Variants in TBC1D1 observed in about 807,000 individuals in gnomAD.
TBC1D1 encodes TBC1 (tre-2/USP6, BUB2, cdc16) domain family, member 1.
Under a neutral mutation model 125.6 loss-of-function variants are expected in TBC1D1, and 89 were observed. The ratio of observed to expected loss-of-function variants is 0.71; its 90% confidence interval spans 0.60 to 0.85. The LOEUF (loss-of-function observed/expected upper bound fraction) is 0.85. Ranked by LOEUF, TBC1D1 falls within the 40% of genes least tolerant of loss-of-function variation. The pLI is 0.00. For synonymous variants in TBC1D1, 565 were observed against 564.1 expected (o/e 1.00, Z -0.02); for missense variants, 1,377 against 1,469.2 (o/e 0.94, Z 1.03).
intron 7 of TBC1D1, among the ~76,000 whole-genome samples, chr4:38,034,988 C>T (rs1280788585): frequency 2.0e-5 from 3 of 152,176 alleles, no homozygotes; most frequent in African/African-American, 7.2e-5. Context: ...CGGCAGCAGC[C>T]GGAACCTACA....
chr4:38,063,959 G>GA (rs1170097068), intron 12 of TBC1D1, among the ~76,000 whole-genome samples: 2 of 151,966 alleles, frequency 1.3e-5, no homozygotes, highest in African/African-American at 2.4e-5. Context: ...TGTCCCCCTA[G>GA]AAAAAAACCT....
chr4:37,947,089 A>T (rs777378388), intron 2 of TBC1D1, among the ~76,000 whole-genome samples: 1 of 152,204 alleles, frequency 6.6e-6, no homozygotes, highest in Non-Finnish European at 1.5e-5. Flanking sequence ...AACAACGCAG[A>T]CATCTCCCTT....
chr4:38,028,739 C>G (rs922935218), intron 7 of TBC1D1, among the ~76,000 whole-genome samples: 2 of 152,206 alleles, frequency 1.3e-5, no homozygotes, highest in African/African-American at 4.8e-5. Context: ...GCCTCTGGTC[C>G]GCATGTACTC....
intron 2 of TBC1D1, among the ~76,000 whole-genome samples, chr4:37,903,795 A>G (rs1258761936): frequency 6.6e-6 from 1 of 152,176 alleles, no homozygotes; most frequent in Non-Finnish European, 1.5e-5. Context: ...TCAGTGGGGA[A>G]TAGGACCAGG....
intron 2 of TBC1D1, among the ~76,000 whole-genome samples, chr4:37,956,055 C>T (rs1728875825): frequency 1.3e-5 from 2 of 149,538 alleles, no homozygotes; most frequent in African/African-American, 2.5e-5. Flanking sequence ...TTTGAAACAA[C>T]GTCTCTGTCA....
Position 37,949,597 on chromosome 4 carries a change from G to T in TBC1D1, c.417+47085G>T, listed in dbSNP as rs116792542. ...CTGAAAATCCCTTAGCAGTGCTAGG[G>T]ATCTAATCACTCCAGGGCAACCCTA... On this transcript the variant is annotated intron_variant, in intron 2 of 19. Transcript: ENST00000261439. 3.9e-4 allele frequency among the ~76,000 whole-genome samples: 59 copies of T among 152,304 alleles called. 1 individual carries two copies. Among genetic ancestry groups the T allele is most frequent in the African/African-American group, 1.4e-3 (58 of 41,568 alleles).
chr4:38,082,467 C>T (rs1756741657), intron 12 of TBC1D1, among the ~76,000 whole-genome samples: 1 of 152,176 alleles, frequency 6.6e-6, no homozygotes, highest in Admixed American at 6.5e-5. Context: ...CTGGCTGAGG[C>T]GGAATATTTG....
intron 8 of TBC1D1, among the ~76,000 whole-genome samples, chr4:38,042,199 C>G (rs2152467428): frequency 6.6e-6 from 1 of 152,004 alleles, no homozygotes; most frequent in African/African-American, 2.4e-5. Context: ...ACAAAAAAAG[C>G]TCATAGAGTA....
intron 17 of TBC1D1, among the ~76,000 whole-genome samples, chr4:38,119,489 A>G (rs1763510242): frequency 6.6e-6 from 1 of 151,986 alleles, no homozygotes; most frequent in Non-Finnish European, 1.5e-5. Context: ...ATCTTTAGTG[A>G]GAGTTCATGA....
At chr4:38,080,906 T>C (rs1756430216) in intron 12 of TBC1D1, among the ~76,000 whole-genome samples, 1 of 152,218 alleles carries the variant, frequency 6.6e-6, no homozygotes, top group Non-Finnish European at 1.5e-5. Flanking sequence ...ATAAACACCT[T>C]ATGATATGTT....
At chr4:38,005,723 A>C (rs1740016413) in intron 2 of TBC1D1, among the ~76,000 whole-genome samples, 1 of 152,198 alleles carries the variant, frequency 6.6e-6, no homozygotes, top group Non-Finnish European at 1.5e-5. Context: ...TGTGTTTTTC[A>C]TTGAGGCAGA....
chr4:37,911,706 C>A (rs1265703210), intron 2 of TBC1D1, among the ~76,000 whole-genome samples: 1 of 152,086 alleles, frequency 6.6e-6, no homozygotes, highest in Admixed American at 6.5e-5. Context: ...ATGTGTTTTG[C>A]TGGGTGCTGG....
At chr4:38,011,709 T>A (rs1741539227) in intron 2 of TBC1D1, among the ~76,000 whole-genome samples, 1 of 152,198 alleles carries the variant, frequency 6.6e-6, no homozygotes. Flanking sequence ...ATACTAAAAC[T>A]TAGCAGAGCA....
chr4:38,019,696 A>G (rs1281907004), intron 4 of TBC1D1, among the ~76,000 whole-genome samples: 6 of 152,184 alleles, frequency 3.9e-5, no homozygotes, highest in Non-Finnish European at 8.8e-5. Flanking sequence ...ATCTGTATTA[A>G]GGTGCCTCTG....
chr4:37,957,654 A>G lies in TBC1D1; in HGVS notation c.417+55142A>G, dbSNP rs150625800. 7.0e-4 allele frequency among the ~76,000 whole-genome samples: 106 copies of G among 152,314 alleles called. 1 individual carries two copies. In the East Asian group the frequency reaches 0.018, roughly 26 times the overall value. On this transcript the variant is annotated intron_variant, in intron 2 of 19. Coordinates refer to ENST00000261439, the MANE Select transcript of TBC1D1 (RefSeq NM_015173.4). ...AATAAATAAATAATATAGAAAGAGA[A>G]GAGAGTTGAGATTCCAAAACAGTCT...
chr4:37,972,121 T>G (rs564961825), intron 2 of TBC1D1, among the ~76,000 whole-genome samples: 1 of 152,194 alleles, frequency 6.6e-6, no homozygotes, highest in Non-Finnish European at 1.5e-5. Context: ...CTTTGAGCAA[T>G]GACTATTCTG....
chr4:38,066,335 A>G (rs1233615372), intron 12 of TBC1D1, among the ~76,000 whole-genome samples: 2 of 129,882 alleles, frequency 1.5e-5, no homozygotes, highest in Non-Finnish European at 3.3e-5. Flanking sequence ...ATATTTATTT[A>G]TTTGTTTGTT....
chr4:38,127,615 C>T (rs1398629003), intron 18 of TBC1D1, among the ~76,000 whole-genome samples: 2 of 152,124 alleles, frequency 1.3e-5, no homozygotes, highest in East Asian at 3.8e-4. Context: ...AACTCCTGGC[C>T]TCAAGTGATC....
At chr4:37,981,909 C>T (rs1241158202) in intron 2 of TBC1D1, among the ~76,000 whole-genome samples, 1 of 152,106 alleles carries the variant, frequency 6.6e-6, no homozygotes, top group Non-Finnish European at 1.5e-5. Context: ...GTAGCTTGGA[C>T]CTCAGTAATA....
Sources: gnomAD v4.1 joint callset for allele counts (sites outside exome capture counted in the v4.1 genomes callset) on GRCh38, gnomAD v4.1.1 for gene constraint, MANE v1.5 for transcripts, NCBI Gene and HGNC (gene_info 2026-07-23, HGNC 2026-07-21) for gene names.